Variants in SEPTIN10 observed in about 807,000 individuals in gnomAD.
SEPTIN10 encodes septin 10.
In SEPTIN10, 66 loss-of-function variants were observed where a neutral mutation model predicts 54.8. The observed-to-expected ratio is 1.21, with a 90% CI of 0.99 to 1.48. SEPTIN10 has a LOEUF of 1.48. Among genes scored for constraint, SEPTIN10 ranks in the 40% most tolerant of loss-of-function variants. The pLI is 0.00. For missense variants in SEPTIN10, 620 were observed against 545.6 expected (o/e 1.14, Z -1.36); for synonymous variants, 161 against 181.0 (o/e 0.89, Z 0.89).
chr2:109,583,299 GAAACTAAC>G (rs531797550), intron 4 of SEPTIN10, among the ~76,000 whole-genome samples: 393 of 152,210 alleles, frequency 2.6e-3, no homozygotes, highest in African/African-American at 8.2e-3. Flanking sequence ...GAATCTGTAA[GAAACTAAC>G]AACTAAACAA....
intron 1 of SEPTIN10, among the ~76,000 whole-genome samples, chr2:109,610,493 T>C (rs1699021652): frequency 6.6e-6 from 1 of 152,120 alleles, no homozygotes; most frequent in Non-Finnish European, 1.5e-5. Flanking sequence ...GACGGGTGGA[T>C]CACCTGAGGT....
At chr2:109,556,237 C>A (rs1684343504) in intron 8 of SEPTIN10, among the ~76,000 whole-genome samples, 1 of 152,128 alleles carries the variant, frequency 6.6e-6, no homozygotes, top group Non-Finnish European at 1.5e-5. Context: ...AAACACTGAG[C>A]CCTTCCATTT....
chr2:109,562,444 G>T (rs972705215), intron 8 of SEPTIN10, among the ~76,000 whole-genome samples: 3 of 151,454 alleles, frequency 2.0e-5, no homozygotes, highest in African/African-American at 2.4e-5. Flanking sequence ...ACACAAGCAG[G>T]GTCTCTATTT....
chr2:109,559,909 GCC>G (rs1558734383), intron 8 of SEPTIN10, among the ~76,000 whole-genome samples: 1 of 115,156 alleles, frequency 8.7e-6, no homozygotes, highest in Non-Finnish European at 1.7e-5. Context: ...TCCAACCAAT[GCC>G]TTTTTTTTTT....
intron 4 of SEPTIN10, among the ~76,000 whole-genome samples, chr2:109,579,990 A>T (rs563949762): frequency 1.3e-5 from 2 of 151,620 alleles, no homozygotes; most frequent in Non-Finnish European, 2.9e-5. Flanking sequence ...GCGTGGTGGC[A>T]GGCGCCTGTA....
At chr2:109,591,653 T>C (rs1434790411) in intron 2 of SEPTIN10, among the ~76,000 whole-genome samples, 1 of 152,108 alleles carries the variant, frequency 6.6e-6, no homozygotes. Context: ...TCCAAGTGCT[T>C]TGGGAGGCGG....
At chr2:109,603,154 G>A (rs1697030110) in intron 1 of SEPTIN10, among the ~76,000 whole-genome samples, 1 of 151,970 alleles carries the variant, frequency 6.6e-6, no homozygotes, top group Non-Finnish European at 1.5e-5. Flanking sequence ...AGAATACTTA[G>A]GAATCAGTGT....
chr2:109,587,784 G>A lies in SEPTIN10; in HGVS notation c.100-1946C>T, dbSNP rs536267437. Reference sequence around the variant, plus strand: ...AAAAATTAGCCAGGTGTGGTGGCACGCACCTGTAGTCCCAGCTACTCAGGA... The same window carrying A: ...AAAAATTAGCCAGGTGTGGTGGCACACACCTGTAGTCCCAGCTACTCAGGA... On this transcript the variant is annotated intron_variant, in intron 2 of 10. Transcript: ENST00000397712. Among the ~76,000 whole-genome samples the A allele has an allele frequency of 7.2e-5, 11 of 152,034 alleles. No homozygotes were observed. In the East Asian group the frequency reaches 7.8e-4, roughly 11 times the overall value.
In SEPTIN10 at chr2:109,585,821, A is replaced by G. The variant is rs767592590; in HGVS notation, c.117T>C (p.Arg39=). 6.2e-7 allele frequency: 1 copy of G among 1,613,732 alleles called. No homozygotes were observed. The change falls in exon 3 of 11, where the codon CGT becomes CGC. Residue 39 remains arginine (R), a synonymous_variant. Coordinates refer to ENST00000397712, the MANE Select transcript of SEPTIN10 (RefSeq NM_144710.5). The part of the protein sequence containing the change: ...DDEQIKRENI[R]SLTMSGHVGF... ...CAACATGGCCAGACATAGTCAACGAACGAATGTTTTCTCTTTTCTGAAGGA... is the reference window on the plus strand; with the variant it reads ...CAACATGGCCAGACATAGTCAACGAGCGAATGTTTTCTCTTTTCTGAAGGA...
intron 1 of SEPTIN10, among the ~76,000 whole-genome samples, chr2:109,607,730 G>C (rs931637065): frequency 1.3e-5 from 2 of 152,036 alleles, no homozygotes; most frequent in African/African-American, 4.8e-5. Context: ...GCAAAGTTTA[G>C]TCTTTCCTCC....
chr2:109,548,775 CAAAAAAAAA>C lies in SEPTIN10; in HGVS notation c.1162-2547_1162-2539del, dbSNP rs57096452. Among the ~76,000 whole-genome samples the C allele has an allele frequency of 1.1e-4, 7 of 63,596 alleles. No homozygotes were observed. The East Asian group carries it at 1.2e-3, about 11-fold the overall frequency. 41.7% of individuals were successfully genotyped at this position (63,596 alleles called of 152,430 possible). The stretch of plus-strand genomic sequence containing the variant: ...TGGGCCACAGAGTTAGGCTCCATCT[CAAAAAAAAA>C]AAAAAAAAAAAAAAAAAAGACATAA... On this transcript the variant is annotated intron_variant, in intron 9 of 10. Transcript: ENST00000397712.
chr2:109,557,198 A>C (rs1020973666), intron 8 of SEPTIN10, among the ~76,000 whole-genome samples: 3 of 152,176 alleles, frequency 2.0e-5, no homozygotes, highest in Non-Finnish European at 1.5e-5. Flanking sequence ...AAATTATAAA[A>C]AAAATCTTGA....
At chr2:109,557,688 G>A (rs1217471312) in intron 8 of SEPTIN10, among the ~76,000 whole-genome samples, 1 of 151,986 alleles carries the variant, frequency 6.6e-6, no homozygotes, top group African/African-American at 2.4e-5. Flanking sequence ...TTCAAAAGGT[G>A]GTAAAGAAAG....
At chr2:109,557,037 G>A (rs1420300805) in intron 8 of SEPTIN10, among the ~76,000 whole-genome samples, 1 of 152,070 alleles carries the variant, frequency 6.6e-6, no homozygotes, top group African/African-American at 2.4e-5. Context: ...GGGGAGAGGC[G>A]GGAGGGATAG....
chr2:109,565,939 G>T, intron 6 of SEPTIN10, 80 bp from the exon 7 acceptor site: 1 of 1,245,772 alleles, frequency 8.0e-7, no homozygotes, highest in Non-Finnish European at 1.2e-6. Context: ...TGAGAGAGAA[G>T]AGAATAATTA....
In SEPTIN10 at chr2:109,613,928, C is replaced by T; in HGVS notation, c.-101G>A. On this transcript the variant is annotated 5_prime_UTR_variant, in exon 1 of 11. Transcript: ENST00000397712. ...AAGGCCGGAGGGCAGAAGCAACGGG[C>T]GGGGCGCGAGGCTAGGCTGCCTCCG... The T allele has an allele frequency of 9.0e-7, 1 of 1,113,452 alleles. No individual in the cohort carries two copies. The highest frequency in any genetic ancestry group is 1.1e-6 in the Non-Finnish European group (1 of 911,836). The allele number at this position is 1,113,452 out of a possible 1,614,324, so 69.0% of individuals were successfully genotyped here.
chr2:109,553,845 CTCTG>C (rs1344069159), intron 8 of SEPTIN10, among the ~76,000 whole-genome samples: 2 of 150,044 alleles, frequency 1.3e-5, no homozygotes, highest in Non-Finnish European at 3.0e-5. Context: ...CACAGCAAGA[CTCTG>C]TCTCAAAAAA....
chr2:109,552,998 G>C, intron 9 of SEPTIN10, 89 bp downstream of exon 9: 1 of 1,460,826 alleles, frequency 6.8e-7, no homozygotes, highest in South Asian at 1.3e-5. Flanking sequence ...GCCTACAAAA[G>C]AGTCTCAAGC....
At chr2:109,592,969 C>A in intron 2 of SEPTIN10, 82 bp downstream of exon 2, 1 of 897,978 alleles carries the variant, frequency 1.1e-6, no homozygotes, top group South Asian at 2.7e-5. Context: ...TCACAAGAGT[C>A]TATAAGCACT....
Sources: gnomAD v4.1 joint callset for allele counts (sites outside exome capture counted in the v4.1 genomes callset) on GRCh38, gnomAD v4.1.1 for gene constraint, MANE v1.5 for transcripts, NCBI Gene and HGNC (gene_info 2026-07-23, HGNC 2026-07-21) for gene names.